Variants in RSPH14 observed in about 807,000 individuals in gnomAD.
RSPH14 encodes the protein rhabdoid tumor deletion region gene 1.
In RSPH14, 20 loss-of-function variants were observed where a neutral mutation model predicts 26.7. The ratio of observed to expected loss-of-function variants is 0.75; its 90% CI spans 0.53 to 1.09. The LOEUF is 1.09. Among genes scored for constraint, RSPH14 ranks in the 50% least tolerant of loss-of-function variants. RSPH14 has a pLI of 0.00. For missense variants in RSPH14, 449 were observed against 457.2 expected (o/e 0.98, Z 0.16); for synonymous variants, 177 against 189.3 (o/e 0.93, Z 0.53).
chr22:23,170,592 G>T, the RSPH14 span, among the ~76,000 whole-genome samples: 1 of 152,026 alleles, frequency 6.6e-6, no homozygotes, highest in Non-Finnish European at 1.5e-5. Flanking sequence ...AATTAGCCGG[G>T]CGTGGTGGTG....
At chr22:23,120,793 C>T (rs963736118) in intron 4 of RSPH14, among the ~76,000 whole-genome samples, 6 of 152,192 alleles carry the variant, frequency 3.9e-5, no homozygotes, top group African/African-American at 1.4e-4. Context: ...AGCCCCAGGA[C>T]TCCCACCTCA....
At chr22:23,095,658 A>G (rs777764724) in intron 4 of RSPH14, 29 of 1,565,708 alleles carry the variant, frequency 1.9e-5, no homozygotes, top group Non-Finnish European at 2.5e-5. Flanking sequence ...GAGGTGCCCC[A>G]TCCCGTGCTC....
chr22:23,089,131 G>A (rs746826681), intron 4 of RSPH14, among the ~76,000 whole-genome samples: 6 of 152,194 alleles, frequency 3.9e-5, no homozygotes, highest in Non-Finnish European at 8.8e-5. Flanking sequence ...GGAGAGTGAG[G>A]GGCTGGACTG....
the RSPH14 span, chr22:23,153,005 C>T: frequency 1.3e-6 from 2 of 1,523,910 alleles, no homozygotes; most frequent in Non-Finnish European, 1.8e-6. Context: ...TGAGTACACC[C>T]CTGTGACGAC....
At chr22:23,104,699 T>C (rs902317909) in intron 4 of RSPH14, among the ~76,000 whole-genome samples, 10 of 152,124 alleles carry the variant, frequency 6.6e-5, no homozygotes, top group Non-Finnish European at 1.5e-4. Flanking sequence ...GGATCCCTAG[T>C]AACCAGTGTA....
intron 4 of RSPH14, among the ~76,000 whole-genome samples, chr22:23,129,947 A>G (rs186809254): frequency 1.9e-4 from 29 of 150,954 alleles, no homozygotes; most frequent in Admixed American, 7.3e-4. Context: ...GGAAGGAAAG[A>G]AGGAGAAAGA....
Position 23,141,327 on chromosome 22 carries a change from CAAA to C in RSPH14, c.-53+619_-53+621del, listed in dbSNP as rs35460609. Among the ~76,000 whole-genome samples, 481 of 82,310 alleles carry C rather than the reference CAAA, an allele frequency of 5.8e-3. 3 individuals are homozygous for C. Among genetic ancestry groups the C allele is most frequent in the Middle Eastern group, 0.023 (4 of 174 alleles). 54.0% of individuals were successfully genotyped at this position (82,310 alleles called of 152,430 possible). ...CTGGCGACAAAGCAAGACTCCGTCTCAAAAAAAAAAAAAAAAAAAAAAGTGATT... is the reference window on the plus strand; with the variant it reads ...CTGGCGACAAAGCAAGACTCCGTCTCAAAAAAAAAAAAAAAAAAAGTGATT... On this transcript the variant is annotated intron_variant, in intron 1 of 6. Coordinates refer to ENST00000216036, the MANE Select transcript of RSPH14 (RefSeq NM_014433.3).
chr22:23,159,351 G>A, the RSPH14 span: 11 of 1,207,520 alleles, frequency 9.1e-6, no homozygotes, highest in South Asian at 6.0e-5. Flanking sequence ...GTAGCCAGTC[G>A]TCTGTTCCCT....
chr22:23,145,250 CACCG>C, upstream of RSPH14: 1 of 814,950 alleles, frequency 1.2e-6, no homozygotes. Context: ...TAGCCCCGCC[CACCG>C]CCCACCCATC....
At chr22:23,090,159 G>T (rs2068928383) in intron 4 of RSPH14, among the ~76,000 whole-genome samples, 1 of 152,052 alleles carries the variant, frequency 6.6e-6, no homozygotes, top group Non-Finnish European at 1.5e-5. Flanking sequence ...AGCACAGCAG[G>T]GTCCTGTACC....
chr22:23,175,973 C>A, the RSPH14 span, among the ~76,000 whole-genome samples: 1 of 152,224 alleles, frequency 6.6e-6, no homozygotes, highest in Non-Finnish European at 1.5e-5. Flanking sequence ...CCTCTACTTC[C>A]CCCCTAGTCC....
chr22:23,153,514 T>C, the RSPH14 span: 2 of 964,780 alleles, frequency 2.1e-6, no homozygotes, highest in Non-Finnish European at 2.5e-6. Flanking sequence ...GCTCTGAGCC[T>C]CTGTTCCCAC....
intron 4 of RSPH14, among the ~76,000 whole-genome samples, chr22:23,133,410 T>C (rs1258068758): frequency 2.6e-5 from 4 of 152,214 alleles, no homozygotes; most frequent in Non-Finnish European, 5.9e-5. Context: ...TCTATGGTCT[T>C]ATAAATTGAA....
chr22:23,157,746 G>A, the RSPH14 span, among the ~76,000 whole-genome samples: 2 of 152,306 alleles, frequency 1.3e-5, no homozygotes, highest in Admixed American at 6.5e-5. Flanking sequence ...CTCGCTCCAC[G>A]CCTACCTTGT....
At chr22:23,093,426 C>T (rs7291174) in intron 4 of RSPH14, among the ~76,000 whole-genome samples, 6,564 of 152,246 alleles carry the variant, frequency 0.043, 506 homozygotes, top group African/African-American at 0.15. Context: ...CAGTGGGGAA[C>T]GAGGCCAGGA....
intron 4 of RSPH14, among the ~76,000 whole-genome samples, chr22:23,106,113 C>T (rs2069466235): frequency 6.6e-6 from 1 of 152,226 alleles, no homozygotes; most frequent in Admixed American, 6.5e-5. Context: ...GTGACTCCCG[C>T]CACATATCAC....
rs535315747 is a variant in RSPH14 at position 23,116,874 on chromosome 22, A to T, written c.421+17152T>A. On this transcript the variant is annotated intron_variant, in intron 4 of 6. Transcript: ENST00000216036. ...CAGTCCAGAGGCCTCTTAAAATGCA[A>T]ATATGCCGCACCTGGGAGGGGGACA... Among the ~76,000 whole-genome samples the T allele has an allele frequency of 5.3e-5, 8 of 152,208 alleles. No homozygotes were observed. The South Asian group carries it at 8.3e-4, about 16-fold the overall frequency.
At chr22:23,106,922 C>T (rs866651641) in intron 4 of RSPH14, among the ~76,000 whole-genome samples, 21 of 152,174 alleles carry the variant, frequency 1.4e-4, no homozygotes, top group African/African-American at 4.8e-4. Context: ...GGTCACCCCA[C>T]CCCCTCCACA....
chr22:23,162,615 C>T, the RSPH14 span: 1 of 454,168 alleles, frequency 2.2e-6, no homozygotes, highest in Non-Finnish European at 4.4e-6. Context: ...AGCCTCTCTG[C>T]CCAGTATGCT....
Sources: allele counts gnomAD v4.1 joint callset (sites outside exome capture counted in the v4.1 genomes callset), GRCh38; gene constraint gnomAD v4.1.1; transcripts MANE v1.5; gene names NCBI Gene and HGNC (gene_info 2026-07-23, HGNC 2026-07-21).